SLCO5A1: variants seen among roughly 807,000 people sequenced by gnomAD.
SLCO5A1 encodes the protein solute carrier organic anion transporter family member 5A1.
A neutral mutation model predicts 65.1 loss-of-function variants in SLCO5A1; 39 were observed. The ratio of observed to expected loss-of-function variants is 0.60; its 90% CI spans 0.46 to 0.78. SLCO5A1 has a LOEUF of 0.78. Ranked by LOEUF, SLCO5A1 falls within the 30% of genes least tolerant of loss-of-function variation. The pLI is 0.00. For synonymous variants in SLCO5A1, 438 were observed against 415.7 expected (o/e 1.05, Z -0.65); for missense variants, 1,029 against 1,069.4 (o/e 0.96, Z 0.53).
chr8:69,820,648 A>T (rs1418217075), intron 2 of SLCO5A1, among the ~76,000 whole-genome samples: 1 of 152,188 alleles, frequency 6.6e-6, no homozygotes, highest in East Asian at 1.9e-4. Context: ...CCTGGGCAAC[A>T]TAATGAGACC....
At chr8:69,829,087 T>C (rs946695080) in intron 2 of SLCO5A1, among the ~76,000 whole-genome samples, 3 of 152,178 alleles carry the variant, frequency 2.0e-5, no homozygotes, top group Admixed American at 6.5e-5. Context: ...AAATGAGAAA[T>C]GTATCTTTAC....
chr8:69,706,091 C>A (rs1586705646), intron 5 of SLCO5A1, among the ~76,000 whole-genome samples: 2 of 152,106 alleles, frequency 1.3e-5, no homozygotes, highest in Admixed American at 1.3e-4. Flanking sequence ...TGCTTCTATA[C>A]ACTCATTAAA....
At chr8:69,710,283 TG>T (rs1200518710) in intron 5 of SLCO5A1, among the ~76,000 whole-genome samples, 1 of 152,096 alleles carries the variant, frequency 6.6e-6, no homozygotes, top group Non-Finnish European at 1.5e-5. Context: ...CCTTCCAAAG[TG>T]CTGGGATTAC....
intron 5 of SLCO5A1, among the ~76,000 whole-genome samples, chr8:69,733,995 G>A (rs1177238484): frequency 1.3e-5 from 2 of 151,348 alleles, no homozygotes; most frequent in African/African-American, 2.4e-5. Flanking sequence ...GAAAGACCAT[G>A]AGCAGGGAGA....
At chr8:69,772,041 C>T (rs911600220) in intron 2 of SLCO5A1, among the ~76,000 whole-genome samples, 9 of 152,180 alleles carry the variant, frequency 5.9e-5, no homozygotes, top group Admixed American at 5.9e-4. Flanking sequence ...CTTCACCACT[C>T]ATCAAGACTG....
At chr8:69,779,546 G>T (rs1818713746) in intron 2 of SLCO5A1, among the ~76,000 whole-genome samples, 1 of 152,072 alleles carries the variant, frequency 6.6e-6, no homozygotes, top group Non-Finnish European at 1.5e-5. Flanking sequence ...GTTATTTAAT[G>T]ACTACCTTTC....
rs747321814 is a variant in SLCO5A1, at chr8:69,831,824, G to A, written c.850C>T (p.Leu284=). The change falls in exon 2 of 10, where the codon CTG becomes TTG. Residue 284 remains leucine, a synonymous_variant. Coordinates refer to ENST00000260126, the MANE Select transcript of SLCO5A1 (RefSeq NM_030958.3). Reference sequence around the variant, plus strand: ...TTGTCATCTAAGTAGGTTGGTCCCAGGGTATAAATAGGTGTGGAGCCCATT... The same window carrying A: ...TTGTCATCTAAGTAGGTTGGTCCCAAGGTATAAATAGGTGTGGAGCCCATT... ...IGMGSTPIYT[L]GPTYLDDNVK... 4 of 1,614,096 alleles carry A rather than the reference G, an allele frequency of 2.5e-6. No homozygotes were observed. Among genetic ancestry groups the A allele is most frequent in the Admixed American group, 3.3e-5 (2 of 59,996 alleles).
rs369608082 is a variant in SLCO5A1, at chr8:69,781,639, GTTTTTGTTTTTTGT to G, written c.908-19778_908-19765del. Among the ~76,000 whole-genome samples, 36 of 151,718 alleles carry G rather than the reference GTTTTTGTTTTTTGT, an allele frequency of 2.4e-4. No individual in the cohort carries two copies. The East Asian group carries it at 5.4e-3, about 23-fold the overall frequency. On this transcript the variant is annotated intron_variant, in intron 2 of 9. Coordinates refer to ENST00000260126, the MANE Select transcript of SLCO5A1 (RefSeq NM_030958.3). ...GTAGATACTATTATTATCCTTTTTT[GTTTTTGTTTTTTGT>G]TTTTTGTTTTTTGTTTTTTTTGAGA...
intron 5 of SLCO5A1, among the ~76,000 whole-genome samples, chr8:69,725,064 A>G (rs1312919640): frequency 6.6e-6 from 1 of 152,162 alleles, no homozygotes; most frequent in Non-Finnish European, 1.5e-5. Context: ...TGTTCTTTAC[A>G]CTTAAGTAAA....
intron 3 of SLCO5A1, among the ~76,000 whole-genome samples, chr8:69,757,923 C>T (rs115720487): frequency 0.035 from 5,281 of 152,194 alleles, 193 homozygotes; most frequent in African/African-American, 0.087. Flanking sequence ...TAGGGGACAA[C>T]TCATGGGCTG....
intron 6 of SLCO5A1, among the ~76,000 whole-genome samples, chr8:69,690,727 T>A (rs1814225023): frequency 6.6e-6 from 1 of 152,116 alleles, no homozygotes; most frequent in Admixed American, 6.5e-5. Flanking sequence ...CGGAGCTGGG[T>A]GGAACTGAGT....
intron 8 of SLCO5A1, among the ~76,000 whole-genome samples, chr8:69,679,176 G>A (rs1813665165): frequency 6.6e-6 from 1 of 152,174 alleles, no homozygotes. Flanking sequence ...ACTTTCCAAA[G>A]TATGAAATGT....
At chr8:69,826,844 A>T (rs896897378) in intron 2 of SLCO5A1, among the ~76,000 whole-genome samples, 5 of 152,138 alleles carry the variant, frequency 3.3e-5, no homozygotes, top group Non-Finnish European at 5.9e-5. Flanking sequence ...AGACACATGC[A>T]CATGTATGTT....
intron 5 of SLCO5A1, among the ~76,000 whole-genome samples, chr8:69,736,233 C>T (rs1335814032): frequency 1.3e-5 from 2 of 152,262 alleles, no homozygotes; most frequent in African/African-American, 4.8e-5. Context: ...GCCTCAACCA[C>T]ACTGCTGTGG....
chr8:69,732,545 G>A (rs942485033), intron 5 of SLCO5A1, among the ~76,000 whole-genome samples: 15 of 152,248 alleles, frequency 9.9e-5, no homozygotes, highest in Middle Eastern at 3.4e-3. Flanking sequence ...CAGCATATAC[G>A]TATTATAATA....
At chr8:69,785,626 T>G (rs757167556) in intron 2 of SLCO5A1, among the ~76,000 whole-genome samples, 5 of 152,190 alleles carry the variant, frequency 3.3e-5, no homozygotes, top group Non-Finnish European at 7.4e-5. Flanking sequence ...TTTGAAATAG[T>G]AAGAAATGTA....
intron 4 of SLCO5A1, among the ~76,000 whole-genome samples, chr8:69,740,404 G>A (rs557985636): frequency 1.3e-5 from 2 of 152,206 alleles, no homozygotes; most frequent in Admixed American, 6.5e-5. Flanking sequence ...AATATGGAAA[G>A]GGGGATCGTT....
At chr8:69,709,061 A>G (rs1815102996) in intron 5 of SLCO5A1, among the ~76,000 whole-genome samples, 1 of 152,228 alleles carries the variant, frequency 6.6e-6, no homozygotes, top group Admixed American at 6.5e-5. Context: ...AGTGTCATGC[A>G]GGTAGAAACC....
At chr8:69,699,747 A>G (rs140485125) in intron 6 of SLCO5A1, among the ~76,000 whole-genome samples, 1 of 152,242 alleles carries the variant, frequency 6.6e-6, no homozygotes, top group Non-Finnish European at 1.5e-5. Context: ...TTGGAAAAGT[A>G]AGAGAAAATA....
Sources: gnomAD v4.1 joint callset for allele counts (sites outside exome capture counted in the v4.1 genomes callset) on GRCh38, gnomAD v4.1.1 for gene constraint, MANE v1.5 for transcripts, NCBI Gene and HGNC (gene_info 2026-07-23, HGNC 2026-07-21) for gene names.